Variants in SLC25A21 observed in about 807,000 individuals in gnomAD.
SLC25A21 encodes the protein solute carrier family 25 member 21.
A neutral mutation model predicts 43.8 loss-of-function variants in SLC25A21; 47 were observed. The observed-to-expected ratio is 1.07, with a 90% CI of 0.85 to 1.37. The LOEUF (loss-of-function observed/expected upper bound fraction) is 1.37, where lower values mean the gene tolerates loss of function less well. Ranked by LOEUF, SLC25A21 falls within the 40% of genes most tolerant of loss-of-function variation. The pLI, the probability that SLC25A21 is intolerant of heterozygous loss-of-function variation, is 0.00. For synonymous variants in SLC25A21, 131 were observed against 121.3 expected, an observed-to-expected ratio of 1.08 and a Z score of -0.52; for missense variants, 352 against 350.2, an observed-to-expected ratio of 1.00 and a Z score of -0.04.
chr14:36,753,596 T>G (rs1885797933), intron 3 of SLC25A21, among the ~76,000 whole-genome samples: 1 of 152,226 alleles, frequency 6.6e-6, no homozygotes, highest in Non-Finnish European at 1.5e-5. Flanking sequence ...AAATATTTCA[T>G]GTTCTCTAGA....
intron 1 of SLC25A21, among the ~76,000 whole-genome samples, chr14:37,147,636 T>TTC (rs1050357218): frequency 7.8e-6 from 1 of 128,942 alleles, no homozygotes; most frequent in Non-Finnish European, 1.7e-5. Flanking sequence ...TATTTCAGGT[T>TTC]TTTTTTTTTT....
At chr14:36,878,151 C>T (rs1890601459) in intron 1 of SLC25A21, among the ~76,000 whole-genome samples, 1 of 152,114 alleles carries the variant, frequency 6.6e-6, no homozygotes, top group Non-Finnish European at 1.5e-5. Flanking sequence ...AAAACACCTT[C>T]TCTCATCATA....
intron 1 of SLC25A21, among the ~76,000 whole-genome samples, chr14:36,955,739 G>A (rs368284230): frequency 6.6e-6 from 1 of 150,420 alleles, no homozygotes; most frequent in Non-Finnish European, 1.5e-5. Context: ...GTTTTTTTTT[G>A]TTTTTTGTTT....
intron 3 of SLC25A21, among the ~76,000 whole-genome samples, chr14:36,798,235 GA>G (rs1887740648): frequency 6.6e-6 from 1 of 152,150 alleles, no homozygotes; most frequent in Non-Finnish European, 1.5e-5. Context: ...GTTCTAGGAA[GA>G]AAAACAAGTT....
At chr14:37,032,999 T>C (rs1290238671) in intron 1 of SLC25A21, among the ~76,000 whole-genome samples, 1 of 152,192 alleles carries the variant, frequency 6.6e-6, no homozygotes, top group African/African-American at 2.4e-5. Flanking sequence ...ATATGAAATT[T>C]ACCAACTTAA....
intron 3 of SLC25A21, among the ~76,000 whole-genome samples, chr14:36,736,233 C>G (rs1001152237): frequency 6.6e-6 from 1 of 152,076 alleles, no homozygotes; most frequent in Non-Finnish European, 1.5e-5. Flanking sequence ...CCGTGCCCAG[C>G]CTGCCCACGA....
At chr14:37,128,577 T>TGTGTGTGC (rs1024661078) in intron 1 of SLC25A21, among the ~76,000 whole-genome samples, 84 of 149,276 alleles carry the variant, frequency 5.6e-4, no homozygotes, top group African/African-American at 1.9e-3. Flanking sequence ...TGTGTGTGTG[T>TGTGTGTGC]GCATTTTGCT....
intron 1 of SLC25A21, among the ~76,000 whole-genome samples, chr14:36,951,093 A>G (rs2138661553): frequency 6.6e-6 from 1 of 152,150 alleles, no homozygotes; most frequent in African/African-American, 2.4e-5. Context: ...TCTGTCATAT[A>G]CCCTAGAGGC....
chr14:36,973,914 T>C (rs1959811531), intron 1 of SLC25A21, among the ~76,000 whole-genome samples: 1 of 151,984 alleles, frequency 6.6e-6, no homozygotes, highest in African/African-American at 2.4e-5. Context: ...ATAAAAAAAA[T>C]TGCAAGGACA....
At chr14:36,940,715 C>G (rs1415036680) in intron 1 of SLC25A21, among the ~76,000 whole-genome samples, 1 of 152,100 alleles carries the variant, frequency 6.6e-6, no homozygotes, top group Non-Finnish European at 1.5e-5. Context: ...CATTGAACTT[C>G]ACAGCAACAA....
intron 2 of SLC25A21, among the ~76,000 whole-genome samples, chr14:36,820,577 G>A (rs1225396447): frequency 1.3e-5 from 2 of 152,180 alleles, no homozygotes; most frequent in Non-Finnish European, 2.9e-5. Flanking sequence ...GTGTAAACTG[G>A]TGAGATTTGT....
intron 1 of SLC25A21, among the ~76,000 whole-genome samples, chr14:36,877,177 TG>T (rs1162990165): frequency 6.6e-6 from 1 of 152,070 alleles, no homozygotes; most frequent in Non-Finnish European, 1.5e-5. Flanking sequence ...CTTCTCCCAC[TG>T]ACTTGACATT....
At chr14:36,758,431 G>A (rs1312778758) in intron 3 of SLC25A21, among the ~76,000 whole-genome samples, 3 of 152,178 alleles carry the variant, frequency 2.0e-5, no homozygotes, top group East Asian at 3.9e-4. Flanking sequence ...GGAGAGGGGC[G>A]TAGTGTTTCT....
At chr14:36,694,784 G>A (rs924914854) in intron 7 of SLC25A21, among the ~76,000 whole-genome samples, 3 of 152,086 alleles carry the variant, frequency 2.0e-5, no homozygotes, top group Non-Finnish European at 4.4e-5. Context: ...ATTTGTTTGA[G>A]TTCTTTGTAG....
Position 36,835,374 on chromosome 14 carries a change from T to C in SLC25A21, c.120-21373A>G, listed in dbSNP as rs111947554. Among the ~76,000 whole-genome samples, 805 of 152,292 alleles carry C rather than the reference T, an allele frequency of 5.3e-3. 8 individuals carry two copies. The highest frequency in any genetic ancestry group is 0.019 in the African/African-American group (783 of 41,568). The stretch of plus-strand genomic sequence containing the variant: ...TATAATGTGAGCCAGCAAGTGACCC[T>C]GAACCAATAGGACACGAGATAAGAT... On this transcript the variant is annotated intron_variant, in intron 2 of 9. Coordinates refer to ENST00000331299, the MANE Select transcript of SLC25A21 (RefSeq NM_030631.4).
chr14:36,718,167 T>C (rs1441418999), intron 6 of SLC25A21, among the ~76,000 whole-genome samples: 3 of 152,198 alleles, frequency 2.0e-5, no homozygotes, highest in Non-Finnish European at 4.4e-5. Flanking sequence ...GTCTTGATTC[T>C]GAAAACAAAA....
At position 36,733,370 on chromosome 14, in the gene SLC25A21, T is replaced by C. The variant is rs183634507; in HGVS notation, c.270+1137A>G. On this transcript the variant is annotated intron_variant, in intron 4 of 9. Transcript: ENST00000331299. ...TGTGATTCAGATCCTTATAACAAAA[T>C]TTGTATTGAAGTGATACTATAAAAT... Among the ~76,000 whole-genome samples, 206 of 152,314 alleles carry C rather than the reference T, an allele frequency of 1.4e-3. 1 individual carries two copies. Among genetic ancestry groups the C allele is most frequent in the Middle Eastern group, 6.8e-3 (2 of 294 alleles).
At chr14:37,090,512 T>C (rs1962564545) in intron 1 of SLC25A21, among the ~76,000 whole-genome samples, 2 of 152,334 alleles carry the variant, frequency 1.3e-5, no homozygotes, top group South Asian at 4.1e-4. Context: ...GTCAACGTGT[T>C]ATTTTTCACT....
chr14:36,747,476 C>T (rs1253413180), intron 3 of SLC25A21, among the ~76,000 whole-genome samples: 2 of 152,160 alleles, frequency 1.3e-5, no homozygotes, highest in Non-Finnish European at 2.9e-5. Flanking sequence ...GATTTAACAG[C>T]TTGACCTAGC....
Sources: allele counts gnomAD v4.1 joint callset (sites outside exome capture counted in the v4.1 genomes callset), GRCh38; gene constraint gnomAD v4.1.1; transcripts MANE v1.5; gene names NCBI Gene and HGNC (gene_info 2026-07-23, HGNC 2026-07-21).